Variants in GRM5 observed in about 807,000 individuals in gnomAD.
GRM5 encodes the protein glutamate metabotropic receptor 5.
In GRM5, 19 loss-of-function variants were observed where a neutral mutation model predicts 83.1. That is an observed-to-expected ratio of 0.23 (90% CI 0.16 to 0.34). The LOEUF (loss-of-function observed/expected upper bound fraction) is 0.34, where lower values mean the gene tolerates loss of function less well. GRM5 is among the 10% of genes least tolerant of loss of function. The probability of loss-of-function intolerance (pLI) is 1.00; values close to 1 mark genes in which losing one functional copy is unlikely to be tolerated. For synonymous variants in GRM5, 675 were observed against 633.6 expected (o/e 1.07, Z -0.98); for missense variants, 1,160 against 1,588.3 (o/e 0.73, Z 4.58).
At chr11:88,891,459 C>G (rs1310197076) in intron 2 of GRM5, among the ~76,000 whole-genome samples, 1 of 151,824 alleles carries the variant, frequency 6.6e-6, no homozygotes, top group Non-Finnish European at 1.5e-5. Context: ...TCAGGGGGCC[C>G]CTGAAACATT....
chr11:88,902,633 A>T (rs1053625653), intron 2 of GRM5, among the ~76,000 whole-genome samples: 1 of 152,118 alleles, frequency 6.6e-6, no homozygotes, highest in Non-Finnish European at 1.5e-5. Flanking sequence ...GGAGAAAGAC[A>T]CCAAACAGAA....
At chr11:88,548,912 A>G (rs1942442065) in intron 8 of GRM5, among the ~76,000 whole-genome samples, 4 of 152,164 alleles carry the variant, frequency 2.6e-5, no homozygotes, top group Non-Finnish European at 5.9e-5. Flanking sequence ...ACAAGCACCA[A>G]ATTAGTTGCT....
intron 2 of GRM5, among the ~76,000 whole-genome samples, chr11:88,871,840 T>C (rs1944773030): frequency 6.6e-6 from 1 of 151,382 alleles, no homozygotes; most frequent in African/African-American, 2.4e-5. Flanking sequence ...ACTAGACTCT[T>C]AAATATCTTG....
chr11:88,603,804 G>A (rs1938067501), intron 5 of GRM5, among the ~76,000 whole-genome samples: 1 of 152,154 alleles, frequency 6.6e-6, no homozygotes, highest in East Asian at 1.9e-4. Flanking sequence ...GGGCACATGT[G>A]GTGTGAATTG....
intron 3 of GRM5, among the ~76,000 whole-genome samples, chr11:88,700,492 C>T (rs1203831710): frequency 1.3e-5 from 2 of 152,172 alleles, no homozygotes; most frequent in East Asian, 3.9e-4. Context: ...GGCACAACTG[C>T]TCAAGGAGAC....
intron 8 of GRM5, among the ~76,000 whole-genome samples, chr11:88,559,822 A>G (rs553264659): frequency 1.3e-5 from 2 of 152,188 alleles, no homozygotes; most frequent in Admixed American, 6.6e-5. Flanking sequence ...ATGATGGTGC[A>G]AAAGAGTCTT....
intron 7 of GRM5, among the ~76,000 whole-genome samples, chr11:88,586,355 T>C (rs902580595): frequency 5.3e-5 from 8 of 152,238 alleles, no homozygotes; most frequent in African/African-American, 1.9e-4. Flanking sequence ...CTCTTAGCCA[T>C]GCTGATAATC....
chr11:88,804,998 C>T (rs1473838383), intron 3 of GRM5, among the ~76,000 whole-genome samples: 2 of 152,046 alleles, frequency 1.3e-5, no homozygotes, highest in Non-Finnish European at 2.9e-5. Context: ...AAGTCTTATG[C>T]CAAAAGCTTG....
chr11:89,001,743 T>G (rs951635997), intron 2 of GRM5, among the ~76,000 whole-genome samples: 4 of 152,166 alleles, frequency 2.6e-5, no homozygotes, highest in African/African-American at 7.2e-5. Context: ...CACAATTGCA[T>G]GTGAGTCTAC....
At chr11:88,714,544 A>G (rs1300254330) in intron 3 of GRM5, among the ~76,000 whole-genome samples, 1 of 152,000 alleles carries the variant, frequency 6.6e-6, no homozygotes, top group Non-Finnish European at 1.5e-5. Flanking sequence ...TAGTATTACA[A>G]ATCTGGACAG....
chr11:88,609,633 G>A lies in GRM5; in HGVS notation c.1148-4669C>T, dbSNP rs373089574. Among the ~76,000 whole-genome samples the A allele has an allele frequency of 6.3e-4, 96 of 152,220 alleles. 2 individuals carry two copies. In the South Asian group the frequency reaches 0.019, roughly 31 times the overall value. ...AGTTCTTTACACATTCTGGATATTAGACATTTGTTGGATACATAGTTTAGA... is the reference window on the plus strand; with the variant it reads ...AGTTCTTTACACATTCTGGATATTAAACATTTGTTGGATACATAGTTTAGA... On this transcript the variant is annotated intron_variant, in intron 4 of 9. Transcript: ENST00000305447.
chr11:88,799,679 A>C (rs2135484764), intron 3 of GRM5, among the ~76,000 whole-genome samples: 1 of 152,266 alleles, frequency 6.6e-6, no homozygotes, highest in Admixed American at 6.5e-5. Flanking sequence ...ATATGGATAT[A>C]TATGGCCCCC....
At chr11:88,522,521 A>G (rs1192633325) in intron 9 of GRM5, among the ~76,000 whole-genome samples, 2 of 151,050 alleles carry the variant, frequency 1.3e-5, no homozygotes, top group Non-Finnish European at 3.0e-5. Context: ...ATATGTCTCT[A>G]GGCCTTTTCT....
Position 89,055,452 on chromosome 11 carries a change from G to A in GRM5, c.-200-7380C>T, listed in dbSNP as rs1048409600. 9.9e-5 allele frequency among the ~76,000 whole-genome samples: 15 copies of A among 152,152 alleles called. No homozygotes were observed. The South Asian group carries it at 3.1e-3, about 32-fold the overall frequency. On this transcript the variant is annotated intron_variant, in intron 1 of 9. Transcript: ENST00000305447. ...GGCAATTTATTTATACTTTCTTATAGTATTCATTACCAAGCTAATATTGTA... is the reference window on the plus strand; with the variant it reads ...GGCAATTTATTTATACTTTCTTATAATATTCATTACCAAGCTAATATTGTA...
chr11:88,864,473 G>A (rs1032826626), intron 2 of GRM5, among the ~76,000 whole-genome samples: 12 of 152,018 alleles, frequency 7.9e-5, no homozygotes, highest in Non-Finnish European at 1.6e-4. Context: ...CTCTCTGTTT[G>A]TCTATTATTG....
At chr11:88,842,421 T>C (rs937405875) in intron 3 of GRM5, among the ~76,000 whole-genome samples, 2 of 152,216 alleles carry the variant, frequency 1.3e-5, no homozygotes, top group Admixed American at 1.3e-4. Context: ...CATGGGTTCA[T>C]TTACTCACCA....
chr11:88,984,621 TAA>T (rs1939637948), intron 2 of GRM5: 1 of 440,420 alleles, frequency 2.3e-6, no homozygotes. Flanking sequence ...TAAATTTAAA[TAA>T]AGATTATAAA....
At chr11:89,052,051 T>C (rs1941772578) in intron 1 of GRM5, among the ~76,000 whole-genome samples, 1 of 151,702 alleles carries the variant, frequency 6.6e-6, no homozygotes, top group South Asian at 2.1e-4. Flanking sequence ...CTAGTGCATT[T>C]TGACAGCATT....
At chr11:88,597,445 T>G (rs1460782806) in intron 5 of GRM5, 93 bp from the exon 6 acceptor site, 3 of 664,172 alleles carry the variant, frequency 4.5e-6, no homozygotes, top group Non-Finnish European at 7.5e-6. Context: ...ATGTGTCTAT[T>G]GTCATATAAG....
Sources: allele counts gnomAD v4.1 joint callset (sites outside exome capture counted in the v4.1 genomes callset), GRCh38; gene constraint gnomAD v4.1.1; transcripts MANE v1.5; gene names NCBI Gene and HGNC (gene_info 2026-07-23, HGNC 2026-07-21).